RGS6: variants seen among roughly 807,000 people sequenced by gnomAD.
The protein encoded by RGS6 is regulator of G protein signaling 6.
In RGS6, 30 loss-of-function variants were observed where a neutral mutation model predicts 78.5. That is an observed-to-expected ratio of 0.38 (90% confidence interval 0.29 to 0.52). RGS6 has a LOEUF of 0.52. Among genes scored for constraint, RGS6 ranks in the 20% least tolerant of loss-of-function variants. The pLI is 0.85. For missense variants in RGS6, 495 were observed against 609.7 expected (o/e 0.81, Z 1.98); for synonymous variants, 206 against 206.0 (o/e 1.00, Z 0.00).
intron 2 of RGS6, among the ~76,000 whole-genome samples, chr14:72,046,822 C>T (rs1172857850): frequency 2.0e-5 from 3 of 152,138 alleles, no homozygotes; most frequent in African/African-American, 4.8e-5. Flanking sequence ...TATGGCTCTT[C>T]GAGTACCAAC....
intron 3 of RGS6, among the ~76,000 whole-genome samples, chr14:72,366,816 TG>T (rs1278210061): frequency 6.1e-4 from 93 of 152,312 alleles, no homozygotes; most frequent in Non-Finnish European, 4.4e-5. Flanking sequence ...AGACATATCC[TG>T]GGCAGAATGC....
downstream of RGS6, among the ~76,000 whole-genome samples, chr14:72,567,348 C>A (rs533716320): frequency 6.6e-6 from 1 of 152,204 alleles, no homozygotes; most frequent in Non-Finnish European, 1.5e-5. Context: ...TCCTCTTTGA[C>A]CATGGCCACC....
chr14:72,059,701 A>G (rs534377722), intron 2 of RGS6, among the ~76,000 whole-genome samples: 1 of 152,194 alleles, frequency 6.6e-6, no homozygotes, highest in African/African-American at 2.4e-5. Context: ...GAGGTGGGTA[A>G]GGTTAGATTA....
chr14:72,398,349 A>T (rs188135114), intron 3 of RGS6, among the ~76,000 whole-genome samples: 7 of 152,158 alleles, frequency 4.6e-5, no homozygotes, highest in Non-Finnish European at 1.0e-4. Context: ...AGAGGTGTTT[A>T]TAGTATTCTC....
intron 2 of RGS6, among the ~76,000 whole-genome samples, chr14:72,204,055 C>T (rs1215460260): frequency 1.3e-5 from 2 of 151,962 alleles, no homozygotes; most frequent in Non-Finnish European, 2.9e-5. Flanking sequence ...AACTCCTGAC[C>T]TCCAGTGATC....
At chr14:71,903,779 C>G in the RGS6 span, among the ~76,000 whole-genome samples, 3 of 152,168 alleles carry the variant, frequency 2.0e-5, no homozygotes, top group Non-Finnish European at 4.4e-5. Context: ...ATATCATATA[C>G]TAAATCTTAA....
At chr14:72,071,088 AC>A (rs2094392746) in intron 2 of RGS6, among the ~76,000 whole-genome samples, 2 of 151,952 alleles carry the variant, frequency 1.3e-5, no homozygotes, top group South Asian at 2.1e-4. Context: ...TTTTAGTTCT[AC>A]CACCTATGTA....
chr14:72,358,136 G>A (rs928217353), intron 3 of RGS6, among the ~76,000 whole-genome samples: 9 of 152,180 alleles, frequency 5.9e-5, no homozygotes, highest in African/African-American at 9.7e-5. Context: ...TGAGGTTTGG[G>A]AACCTCCATC....
intron 2 of RGS6, among the ~76,000 whole-genome samples, chr14:71,973,884 G>C (rs893491933): frequency 6.6e-6 from 1 of 152,212 alleles, no homozygotes; most frequent in African/African-American, 2.4e-5. Flanking sequence ...AGACAGGCAT[G>C]CAGGCAAGTC....
chr14:72,327,688 A>G (rs898732915), intron 2 of RGS6, among the ~76,000 whole-genome samples: 1 of 152,216 alleles, frequency 6.6e-6, no homozygotes, highest in Non-Finnish European at 1.5e-5. Context: ...CTGCTAGAGC[A>G]TAATTATGTA....
chr14:72,601,404 C>A, the RGS6 span, among the ~76,000 whole-genome samples: 3 of 151,390 alleles, frequency 2.0e-5, no homozygotes, highest in African/African-American at 7.2e-5. Context: ...GCCCCTGTCA[C>A]TTCCAGCAGA....
intron 12 of RGS6, among the ~76,000 whole-genome samples, chr14:72,493,923 A>C (rs1411622719): frequency 6.6e-6 from 1 of 152,240 alleles, no homozygotes; most frequent in Non-Finnish European, 1.5e-5. Context: ...AAACTACTAA[A>C]GGATGTGCTT....
In RGS6 at chr14:72,352,195, G is replaced by A; in HGVS notation, c.184+1G>A. 6.2e-7 allele frequency: 1 copy of A among 1,610,718 alleles called. No homozygotes were observed. Among genetic ancestry groups the A allele is most frequent in the Non-Finnish European group, 8.5e-7 (1 of 1,177,554 alleles). ...TCCAAAATCCCCAGTGTCGTCACAG[G>A]TAACACCCTCCTTGCAAGGTGTTGG... On this transcript the variant is annotated splice_donor_variant, in intron 3 of 17. Coordinates refer to ENST00000553525, the MANE Select transcript of RGS6 (RefSeq NM_001204424.2). LOFTEE classifies it high-confidence loss of function.
intron 2 of RGS6, among the ~76,000 whole-genome samples, chr14:71,995,228 G>GAAAA (rs199678150): frequency 6.6e-6 from 1 of 150,718 alleles, no homozygotes; most frequent in African/African-American, 2.4e-5. Flanking sequence ...ATCCCCAATT[G>GAAAA]AAAAAAAAAT....
At chr14:71,900,564 C>T in the RGS6 span, among the ~76,000 whole-genome samples, 3 of 152,100 alleles carry the variant, frequency 2.0e-5, no homozygotes, top group African/African-American at 7.2e-5. Context: ...TATCTTGAAA[C>T]TAAAACTATG....
chr14:71,886,611 G>T, the RGS6 span, among the ~76,000 whole-genome samples: 3 of 152,204 alleles, frequency 2.0e-5, no homozygotes. Flanking sequence ...AGCAGTTAGA[G>T]CCTAGTAGAA....
intron 2 of RGS6, among the ~76,000 whole-genome samples, chr14:72,296,572 A>G (rs1416542120): frequency 6.6e-6 from 1 of 152,186 alleles, no homozygotes; most frequent in Non-Finnish European, 1.5e-5. Flanking sequence ...TCTCTGTAAT[A>G]ATGTTGATTG....
At chr14:72,518,576 A>G (rs2153461597) in intron 15 of RGS6, 39 bp downstream of exon 15, 1 of 1,582,284 alleles carries the variant, frequency 6.3e-7, no homozygotes, top group Non-Finnish European at 8.7e-7. Context: ...TAAGGTGTTC[A>G]TTTGTCCCCT....
At chr14:71,901,340 T>C in the RGS6 span, among the ~76,000 whole-genome samples, 1 of 152,332 alleles carries the variant, frequency 6.6e-6, no homozygotes, top group Non-Finnish European at 1.5e-5. Context: ...TGGCAATTAC[T>C]TGGTTTCTCT....
Sources: allele counts gnomAD v4.1 joint callset (sites outside exome capture counted in the v4.1 genomes callset), GRCh38; gene constraint gnomAD v4.1.1; transcripts MANE v1.5; gene names NCBI Gene and HGNC (gene_info 2026-07-23, HGNC 2026-07-21).